ANO10: variants seen among roughly 807,000 people sequenced by gnomAD.
ANO10 encodes anoctamin-10.
In ANO10, 77 loss-of-function variants were observed where a neutral mutation model predicts 74.7. That is an observed-to-expected ratio of 1.03 (90% confidence interval 0.86 to 1.25). The LOEUF is 1.25. ANO10 is among the 50% of genes most tolerant of loss of function. ANO10 has a pLI of 0.00. For synonymous variants in ANO10, 279 were observed against 284.9 expected (o/e 0.98, Z 0.21); for missense variants, 721 against 778.1 (o/e 0.93, Z 0.87).
At chr3:43,396,932 A>G (rs1034919254) in intron 12 of ANO10, among the ~76,000 whole-genome samples, 4 of 150,462 alleles carry the variant, frequency 2.7e-5, no homozygotes, top group Non-Finnish European at 5.9e-5. Context: ...CAGGCATTGT[A>G]GTTTTTTTTT....
intron 11 of ANO10, among the ~76,000 whole-genome samples, chr3:43,535,171 G>A (rs1351258388): frequency 6.6e-6 from 1 of 150,776 alleles, no homozygotes; most frequent in Non-Finnish European, 1.5e-5. Context: ...ATAGGTTTTT[G>A]CCATGTTGGC....
At chr3:43,603,637 G>T (rs1471321680) in intron 2 of ANO10, among the ~76,000 whole-genome samples, 2 of 152,162 alleles carry the variant, frequency 1.3e-5, no homozygotes, top group East Asian at 3.9e-4. Context: ...CAGATGTTTG[G>T]TGATCTTTTA....
intron 11 of ANO10, among the ~76,000 whole-genome samples, chr3:43,531,469 A>G (rs1458444364): frequency 1.3e-5 from 2 of 152,226 alleles, no homozygotes; most frequent in African/African-American, 2.4e-5. Flanking sequence ...TCTTGCATCA[A>G]CATTTTAAAA....
intron 11 of ANO10, among the ~76,000 whole-genome samples, chr3:43,536,915 G>A (rs1263798752): frequency 2.9e-5 from 4 of 140,058 alleles, no homozygotes; most frequent in African/African-American, 5.3e-5. Flanking sequence ...TCATCTTGGT[G>A]TATAGCACTT....
intron 11 of ANO10, among the ~76,000 whole-genome samples, chr3:43,444,940 G>A (rs1403770600): frequency 2.6e-5 from 4 of 151,876 alleles, no homozygotes; most frequent in Non-Finnish European, 5.9e-5. Context: ...TGGCTAACAC[G>A]GTGAAACCCC....
chr3:43,523,653 C>T (rs1270087048), intron 11 of ANO10, among the ~76,000 whole-genome samples: 1 of 152,142 alleles, frequency 6.6e-6, no homozygotes, highest in Non-Finnish European at 1.5e-5. Context: ...CTGGTTATGA[C>T]TAGATGGATG....
At chr3:43,405,421 ACT>A (rs2092559252) in intron 12 of ANO10, among the ~76,000 whole-genome samples, 1 of 152,118 alleles carries the variant, frequency 6.6e-6, no homozygotes. Flanking sequence ...CTGTGTTGTG[ACT>A]CTGAAGACTC....
intron 12 of ANO10, among the ~76,000 whole-genome samples, chr3:43,370,766 A>G (rs1173933575): frequency 6.6e-6 from 1 of 152,172 alleles, no homozygotes; most frequent in Non-Finnish European, 1.5e-5. Context: ...AAAAGCACTG[A>G]CTAATTTTTT....
intron 11 of ANO10, among the ~76,000 whole-genome samples, chr3:43,503,231 A>C (rs150424364): frequency 6.6e-6 from 1 of 152,178 alleles, no homozygotes; most frequent in Non-Finnish European, 1.5e-5. Context: ...GCTGTTAAAC[A>C]TTACAGGTTT....
chr3:43,377,213 A>G (rs993942919), intron 12 of ANO10, among the ~76,000 whole-genome samples: 3 of 151,996 alleles, frequency 2.0e-5, no homozygotes, highest in African/African-American at 7.3e-5. Context: ...CAGCCTTCTG[A>G]GTAGCTGGGA....
chr3:43,600,498 A>T lies in ANO10; in HGVS notation c.223T>A (p.Ser75Thr), dbSNP rs191413952. 138 of 1,613,868 alleles carry T rather than the reference A, an allele frequency of 8.6e-5. No individual in the cohort carries two copies. Among genetic ancestry groups the T allele is most frequent in the Admixed American group, 2.5e-4 (15 of 60,020 alleles). The part of the protein sequence containing the change: ...ENQNLYLVGA[S>T]KIRMLLGAEA... Reference sequence around the variant, plus strand: ...GCCCCTAGTAACATTCTAATCTTGGAGGCACCAACAAGATATAAGTTCTGA... The same window carrying T: ...GCCCCTAGTAACATTCTAATCTTGGTGGCACCAACAAGATATAAGTTCTGA... Residue 75 changes from serine to threonine, a missense_variant, in exon 3 of 13, where the codon TCC becomes ACC. Coordinates refer to ENST00000292246, the MANE Select transcript of ANO10 (RefSeq NM_018075.5).
At chr3:43,640,919 G>A (rs1344886850) in intron 1 of ANO10, among the ~76,000 whole-genome samples, 4 of 152,144 alleles carry the variant, frequency 2.6e-5, no homozygotes, top group African/African-American at 9.7e-5. Flanking sequence ...TCCATGGTAA[G>A]TTATTTGCAA....
intron 11 of ANO10, among the ~76,000 whole-genome samples, chr3:43,487,207 A>G (rs1184917803): frequency 6.6e-6 from 1 of 151,472 alleles, no homozygotes; most frequent in Non-Finnish European, 1.5e-5. Flanking sequence ...TCGTTTTGCC[A>G]GTATTTTATT....
At chr3:43,582,659 C>T (rs2081313723) in intron 4 of ANO10, among the ~76,000 whole-genome samples, 1 of 152,150 alleles carries the variant, frequency 6.6e-6, no homozygotes. Flanking sequence ...TTTCTTCCCA[C>T]AATTATATTT....
At chr3:43,450,730 TA>T (rs1406477244) in intron 11 of ANO10, among the ~76,000 whole-genome samples, 2 of 152,140 alleles carry the variant, frequency 1.3e-5, no homozygotes, top group African/African-American at 4.8e-5. Context: ...ACTAAAGCCA[TA>T]AGAAAGGTAC....
At chr3:43,479,463 A>C (rs1319653946) in intron 11 of ANO10, among the ~76,000 whole-genome samples, 1 of 152,194 alleles carries the variant, frequency 6.6e-6, no homozygotes, top group African/African-American at 2.4e-5. Flanking sequence ...CACAGTACTC[A>C]ACAATAAAAA....
At chr3:43,526,512 T>C (rs548702088) in intron 11 of ANO10, among the ~76,000 whole-genome samples, 50 of 152,184 alleles carry the variant, frequency 3.3e-4, no homozygotes, top group African/African-American at 1.0e-3. Flanking sequence ...CCTGAGACGA[T>C]TGAAAATATA....
rs1215562866 is a variant in ANO10, at chr3:43,571,399, G to A, written c.1218+3410C>T. Among the ~76,000 whole-genome samples the A allele has an allele frequency of 1.9e-4, 29 of 150,682 alleles. 1 individual carries two copies. In the East Asian group the frequency reaches 3.9e-3, roughly 20 times the overall value. ...ACACATGCACACGTATGTTTATTGC[G>A]GCATTATTCACAATAGCAAAGACTT... On this transcript the variant is annotated intron_variant, in intron 7 of 12. Transcript: ENST00000292246.
chr3:43,654,512 A>G (rs926171014), intron 1 of ANO10, among the ~76,000 whole-genome samples: 6 of 152,208 alleles, frequency 3.9e-5, no homozygotes, highest in African/African-American at 1.4e-4. Context: ...TAAGGTCTCC[A>G]ACAAACTACA....
Sources: allele counts gnomAD v4.1 joint callset (sites outside exome capture counted in the v4.1 genomes callset), GRCh38; gene constraint gnomAD v4.1.1; transcripts MANE v1.5; gene names NCBI Gene and HGNC (gene_info 2026-07-23, HGNC 2026-07-21).